Variants in KIAA1217 observed in about 807,000 individuals in gnomAD.
KIAA1217 encodes KIAA1217.
In KIAA1217, 88 loss-of-function variants were observed where a neutral mutation model predicts 163.9. The observed-to-expected ratio is 0.54, with a 90% CI of 0.45 to 0.64. The LOEUF (loss-of-function observed/expected upper bound fraction) is 0.64, where lower values mean the gene tolerates loss of function less well. Ranked by LOEUF, KIAA1217 falls within the 30% of genes least tolerant of loss-of-function variation. The pLI, the probability that KIAA1217 is intolerant of heterozygous loss-of-function variation, is 0.00. For missense variants in KIAA1217, 2,372 were observed against 2,475.0 expected (o/e 0.96, Z 0.88); for synonymous variants, 903 against 923.1 (o/e 0.98, Z 0.39).
intron 2 of KIAA1217, among the ~76,000 whole-genome samples, chr10:24,348,888 T>C (rs1408147283): frequency 6.6e-6 from 1 of 152,192 alleles, no homozygotes; most frequent in Non-Finnish European, 1.5e-5. Context: ...GGCTCCTGAC[T>C]ATAATCCCAG....
At chr10:24,265,273 T>C (rs887854737) in intron 2 of KIAA1217, among the ~76,000 whole-genome samples, 6 of 152,228 alleles carry the variant, frequency 3.9e-5, no homozygotes, top group African/African-American at 1.4e-4. Flanking sequence ...TTCACGTGGT[T>C]TCAGATCCAC....
At chr10:23,860,415 T>A (rs182981816) in intron 1 of KIAA1217, among the ~76,000 whole-genome samples, 1 of 152,208 alleles carries the variant, frequency 6.6e-6, no homozygotes, top group Admixed American at 6.5e-5. Context: ...ATTATGTAAC[T>A]CCCATCAGAG....
chr10:23,729,013 T>A (rs910764328), intron 1 of KIAA1217, among the ~76,000 whole-genome samples: 2 of 152,214 alleles, frequency 1.3e-5, no homozygotes, highest in Non-Finnish European at 2.9e-5. Context: ...AGTTTTGCCT[T>A]TTTTTCAGAA....
intron 2 of KIAA1217, among the ~76,000 whole-genome samples, chr10:24,018,405 A>G (rs1005110643): frequency 6.6e-6 from 1 of 152,060 alleles, no homozygotes; most frequent in South Asian, 2.1e-4. Context: ...GACTTAGCTG[A>G]AGAGAGGATT....
At chr10:24,160,602 G>T (rs575799776) in intron 2 of KIAA1217, among the ~76,000 whole-genome samples, 1 of 152,018 alleles carries the variant, frequency 6.6e-6, no homozygotes, top group African/African-American at 2.4e-5. Flanking sequence ...TTCTGTTTTG[G>T]CTCCTATCTC....
chr10:24,164,931 C>A (rs1271839693), intron 2 of KIAA1217, among the ~76,000 whole-genome samples: 1 of 152,186 alleles, frequency 6.6e-6, no homozygotes, highest in Non-Finnish European at 1.5e-5. Context: ...AGGGTGCCTT[C>A]CCCTTCTTGA....
At chr10:24,491,986 C>G (rs373365464) in intron 6 of KIAA1217, among the ~76,000 whole-genome samples, 2 of 151,772 alleles carry the variant, frequency 1.3e-5, no homozygotes. Context: ...TGAAGAAAAG[C>G]AGTAAAGTGG....
intron 1 of KIAA1217, among the ~76,000 whole-genome samples, chr10:23,700,304 C>T (rs1398476588): frequency 6.6e-6 from 1 of 152,090 alleles, no homozygotes; most frequent in Non-Finnish European, 1.5e-5. Flanking sequence ...TCACCACATC[C>T]CTTCCTGGCA....
At chr10:24,019,232 TGATG>T (rs760232698) in intron 2 of KIAA1217, among the ~76,000 whole-genome samples, 4 of 152,054 alleles carry the variant, frequency 2.6e-5, no homozygotes, top group Non-Finnish European at 4.4e-5. Context: ...GTAGGTGAGC[TGATG>T]GATATGTTAA....
At chr10:23,911,288 G>A (rs113379716) in intron 1 of KIAA1217, among the ~76,000 whole-genome samples, 3 of 152,232 alleles carry the variant, frequency 2.0e-5, no homozygotes, top group African/African-American at 7.2e-5. Flanking sequence ...CTTATTTACT[G>A]TCTGCCTCCA....
At chr10:23,919,028 A>T (rs1438583089) in intron 1 of KIAA1217, among the ~76,000 whole-genome samples, 1 of 152,146 alleles carries the variant, frequency 6.6e-6, no homozygotes, top group Non-Finnish European at 1.5e-5. Context: ...GGTCACAGAT[A>T]CAGATGACTC....
intron 2 of KIAA1217, among the ~76,000 whole-genome samples, chr10:24,175,520 A>G (rs1428660438): frequency 6.6e-6 from 1 of 151,986 alleles, no homozygotes; most frequent in Non-Finnish European, 1.5e-5. Context: ...CTCCAATCTT[A>G]TCCAGGTTGC....
intron 1 of KIAA1217, among the ~76,000 whole-genome samples, chr10:24,000,122 A>T (rs1846672237): frequency 6.6e-6 from 1 of 152,210 alleles, no homozygotes; most frequent in Non-Finnish European, 1.5e-5. Context: ...CATGGTTCAT[A>T]TATTATCATA....
intron 1 of KIAA1217, among the ~76,000 whole-genome samples, chr10:23,737,002 TG>T (rs1838844014): frequency 6.6e-6 from 1 of 152,200 alleles, no homozygotes; most frequent in African/African-American, 2.4e-5. Flanking sequence ...AAGATCAATT[TG>T]AAAAAAAATT....
intron 2 of KIAA1217, among the ~76,000 whole-genome samples, chr10:24,252,687 T>C (rs2131549075): frequency 6.6e-6 from 1 of 152,316 alleles, no homozygotes; most frequent in Non-Finnish European, 1.5e-5. Context: ...TCGGCACTGA[T>C]TGAGTCTAGT....
chr10:24,435,675 T>C (rs1372893861), intron 4 of KIAA1217, among the ~76,000 whole-genome samples: 1 of 152,200 alleles, frequency 6.6e-6, no homozygotes, highest in African/African-American at 2.4e-5. Flanking sequence ...CCTTCTTTTT[T>C]ACATTGTTTG....
At chr10:24,541,867 G>C (rs2075148376) in intron 17 of KIAA1217, among the ~76,000 whole-genome samples, 1 of 152,192 alleles carries the variant, frequency 6.6e-6, no homozygotes. Flanking sequence ...TCAAATATCT[G>C]CTTTGTGAAT....
intron 2 of KIAA1217, among the ~76,000 whole-genome samples, chr10:24,107,772 A>C (rs185060375): frequency 6.6e-6 from 1 of 152,220 alleles, no homozygotes; most frequent in African/African-American, 2.4e-5. Flanking sequence ...TAACAACACT[A>C]TCAGAATCTT....
At chr10:24,244,557 CT>C (rs2073522780) in intron 2 of KIAA1217, among the ~76,000 whole-genome samples, 2 of 123,878 alleles carry the variant, frequency 1.6e-5, no homozygotes. Context: ...TCTTTTCTTT[CT>C]TTCTTTTTTT....
Sources: allele counts gnomAD v4.1 joint callset (sites outside exome capture counted in the v4.1 genomes callset), GRCh38; gene constraint gnomAD v4.1.1; transcripts MANE v1.5; gene names NCBI Gene and HGNC (gene_info 2026-07-23, HGNC 2026-07-21).